Variants in RARB observed in about 807,000 individuals in gnomAD.
RARB encodes the protein retinoic acid receptor beta.
In RARB, 17 loss-of-function variants were observed where a neutral mutation model predicts 51.9. The ratio of observed to expected loss-of-function variants is 0.33; its 90% confidence interval spans 0.22 to 0.49. The LOEUF (loss-of-function observed/expected upper bound fraction) is 0.49, where lower values mean the gene tolerates loss of function less well. Among genes scored for constraint, RARB ranks in the 20% least tolerant of loss-of-function variants. RARB has a pLI of 0.99. For missense variants in RARB, 369 were observed against 550.8 expected (o/e 0.67, Z 3.30); for synonymous variants, 215 against 195.4 (o/e 1.10, Z -0.84).
At chr3:25,259,096 C>A in intron 5 of RARB, 4 of 984,084 alleles carry the variant, frequency 4.1e-6, no homozygotes, top group Non-Finnish European at 4.8e-6. Context: ...AACCAAAGAA[C>A]TGTCTCATTC....
At chr3:25,218,979 T>C (rs991753664) in intron 5 of RARB, among the ~76,000 whole-genome samples, 1 of 152,164 alleles carries the variant, frequency 6.6e-6, no homozygotes, top group Admixed American at 6.5e-5. Flanking sequence ...CCTTTGCACC[T>C]GGATTTCCAG....
intron 5 of RARB, among the ~76,000 whole-genome samples, chr3:25,345,084 G>A (rs371314813): frequency 2.6e-5 from 4 of 152,160 alleles, no homozygotes; most frequent in African/African-American, 4.8e-5. Flanking sequence ...TTGACTTACC[G>A]CCTTGTAGAA....
chr3:25,428,079 G>T (rs892862558), upstream of RARB, among the ~76,000 whole-genome samples: 2 of 152,188 alleles, frequency 1.3e-5, no homozygotes, highest in Non-Finnish European at 2.9e-5. Flanking sequence ...ACGCCGGCTT[G>T]TGCGCTCGCT....
intron 1 of RARB, among the ~76,000 whole-genome samples, chr3:24,843,141 T>G (rs140653061): frequency 6.6e-6 from 1 of 152,282 alleles, no homozygotes; most frequent in African/African-American, 2.4e-5. Flanking sequence ...ATGATAACCA[T>G]GCTTTAAAAA....
At chr3:24,955,859 G>C (rs193021683) in intron 2 of RARB, among the ~76,000 whole-genome samples, 1 of 152,126 alleles carries the variant, frequency 6.6e-6, no homozygotes, top group African/African-American at 2.4e-5. Context: ...CCCCCTGGCC[G>C]ATCTCTTAGT....
intron 5 of RARB, among the ~76,000 whole-genome samples, chr3:25,378,738 G>A (rs1172398037): frequency 6.6e-6 from 1 of 152,158 alleles, no homozygotes; most frequent in African/African-American, 2.4e-5. Flanking sequence ...ATATAAAGCT[G>A]AGCTTCAGGA....
chr3:24,915,577 G>A (rs186810097), intron 2 of RARB, among the ~76,000 whole-genome samples: 21 of 152,278 alleles, frequency 1.4e-4, no homozygotes, highest in African/African-American at 4.1e-4. Flanking sequence ...TTGAACTAGA[G>A]ATATATGCCC....
chr3:25,200,739 A>T (rs1701368113), intron 5 of RARB, among the ~76,000 whole-genome samples: 1 of 152,068 alleles, frequency 6.6e-6, no homozygotes, highest in Admixed American at 6.6e-5. Flanking sequence ...TTTGTCAAAG[A>T]TCAGATAGTT....
At chr3:25,309,289 C>T (rs1412298639) in intron 5 of RARB, among the ~76,000 whole-genome samples, 1 of 149,870 alleles carries the variant, frequency 6.7e-6, no homozygotes, top group African/African-American at 2.4e-5. Flanking sequence ...CACCCGCCAT[C>T]ATGCCTGGCT....
chr3:25,278,271 C>T (rs533894770), intron 5 of RARB, among the ~76,000 whole-genome samples: 8 of 152,198 alleles, frequency 5.3e-5, no homozygotes, highest in East Asian at 1.9e-4. Flanking sequence ...ACTGTTTTGT[C>T]GTAAAGATTA....
chr3:24,996,519 C>G (rs1030283308), intron 2 of RARB, among the ~76,000 whole-genome samples: 1 of 151,788 alleles, frequency 6.6e-6, no homozygotes, highest in Admixed American at 6.6e-5. Flanking sequence ...CCTTGCTTTT[C>G]TACTTCCTTG....
chr3:25,173,141 G>A (rs1156320052), intron 4 of RARB, among the ~76,000 whole-genome samples: 1 of 152,184 alleles, frequency 6.6e-6, no homozygotes, highest in Non-Finnish European at 1.5e-5. Flanking sequence ...AGGCTATGAA[G>A]TTTACAGCCA....
chr3:25,408,040 C>G, intron 5 of RARB, among the ~76,000 whole-genome samples: 1 of 152,162 alleles, frequency 6.6e-6, no homozygotes, highest in Non-Finnish European at 1.5e-5. Flanking sequence ...TGACCTATCA[C>G]TTCTTCCTTG....
At chr3:25,275,200 G>A (rs200077720) in intron 5 of RARB, among the ~76,000 whole-genome samples, 52 of 152,200 alleles carry the variant, frequency 3.4e-4, no homozygotes, top group East Asian at 2.9e-3. Flanking sequence ...GGTGGCTCAC[G>A]CCTTTAATCC....
intron 5 of RARB, among the ~76,000 whole-genome samples, chr3:25,401,258 G>C (rs1446834553): frequency 6.6e-6 from 1 of 152,134 alleles, no homozygotes; most frequent in South Asian, 2.1e-4. Context: ...TCTCCAGTCA[G>C]CTGAGCCCTT....
At chr3:25,429,693 T>C (rs1249981958) in intron 1 of RARB, among the ~76,000 whole-genome samples, 3 of 152,194 alleles carry the variant, frequency 2.0e-5, no homozygotes, top group African/African-American at 7.2e-5. Context: ...TATTTTGTTA[T>C]CTGATGCTGA....
chr3:25,019,785 G>T (rs1697588627), intron 2 of RARB, among the ~76,000 whole-genome samples: 1 of 152,146 alleles, frequency 6.6e-6, no homozygotes, highest in African/African-American at 2.4e-5. Flanking sequence ...AAGGAGGGCA[G>T]CACATTTTGG....
At chr3:25,464,939 C>T (rs747334538) in intron 2 of RARB, among the ~76,000 whole-genome samples, 6 of 152,112 alleles carry the variant, frequency 3.9e-5, no homozygotes, top group East Asian at 1.9e-4. Context: ...TAGTAGTTTA[C>T]GGTTATGTCA....
At chr3:24,991,501 T>C (rs1353500317) in intron 2 of RARB, among the ~76,000 whole-genome samples, 1 of 152,030 alleles carries the variant, frequency 6.6e-6, no homozygotes, top group Non-Finnish European at 1.5e-5. Context: ...GTCCTTCCTT[T>C]CCAATCTTAC....
Sources: allele counts gnomAD v4.1 joint callset (sites outside exome capture counted in the v4.1 genomes callset), GRCh38; gene constraint gnomAD v4.1.1; transcripts MANE v1.5; gene names NCBI Gene and HGNC (gene_info 2026-07-23, HGNC 2026-07-21).